Variants in LIX1 observed in about 807,000 individuals in gnomAD.
The protein encoded by LIX1 is protein limb expression 1 homolog.
LIX1 carries 24 observed loss-of-function variants against 33.4 expected under a neutral mutation model. The ratio of observed to expected loss-of-function variants is 0.72; its 90% CI spans 0.52 to 1.01. The LOEUF is 1.01. Among genes scored for constraint, LIX1 ranks in the 50% least tolerant of loss-of-function variants. The pLI, the probability that LIX1 is intolerant of heterozygous loss-of-function variation, is 0.00. For synonymous variants in LIX1, 124 were observed against 124.0 expected (o/e 1.00, Z 0.00); for missense variants, 311 against 339.2 (o/e 0.92, Z 0.65).
chr5:97,098,510 ACT>A (rs749280809), intron 4 of LIX1, among the ~76,000 whole-genome samples: 55 of 152,312 alleles, frequency 3.6e-4, no homozygotes, highest in Middle Eastern at 3.4e-3. Flanking sequence ...TTGAAAAATA[ACT>A]CTATATGATC....
At chr5:97,123,930 T>C (rs1326894354) in intron 2 of LIX1, among the ~76,000 whole-genome samples, 1 of 152,198 alleles carries the variant, frequency 6.6e-6, no homozygotes, top group East Asian at 1.9e-4. Context: ...AGAGGCAGCA[T>C]AGGTTTGTAG....
chr5:97,106,866 G>A (rs911830448), intron 3 of LIX1, among the ~76,000 whole-genome samples: 2 of 152,132 alleles, frequency 1.3e-5, no homozygotes, highest in South Asian at 2.1e-4. Context: ...TTGGGCATAC[G>A]GTTTTTCACA....
chr5:97,121,937 T>G (rs1747794149), intron 2 of LIX1, among the ~76,000 whole-genome samples: 1 of 152,136 alleles, frequency 6.6e-6, no homozygotes, highest in African/African-American at 2.4e-5. Flanking sequence ...ACAGGCAGAC[T>G]TCACCTTAGG....
chr5:97,103,228 C>T (rs1004498007), intron 4 of LIX1: 9 of 344,670 alleles, frequency 2.6e-5, no homozygotes, highest in Admixed American at 8.4e-5. Flanking sequence ...TTTTATCCTA[C>T]AATAGGGGCT....
intron 1 of LIX1, among the ~76,000 whole-genome samples, chr5:97,130,750 T>G (rs976699642): frequency 2.6e-5 from 4 of 152,218 alleles, no homozygotes; most frequent in Non-Finnish European, 4.4e-5. Context: ...TGAAATCCAG[T>G]TCCTTTTTGT....
chr5:97,117,957 A>G (rs748159491), intron 2 of LIX1, among the ~76,000 whole-genome samples: 93 of 151,934 alleles, frequency 6.1e-4, no homozygotes, highest in Non-Finnish European at 1.0e-3. Context: ...CAGTTTGCCT[A>G]TGGAAGAATT....
At position 97,142,478 on chromosome 5, in the gene LIX1, C is replaced by T. The variant is rs759843225; in HGVS notation, c.82+17G>A. On this transcript the variant is annotated intron_variant, in intron 1 of 5. Coordinates refer to ENST00000274382, the MANE Select transcript of LIX1 (RefSeq NM_153234.5). ...TTTTCTAAAAAGTCAAAAAACTTTT[C>T]CCCCTTCAGTACTTACAGTCTTTGA... 6.3e-7 allele frequency: 1 copy of T among 1,596,956 alleles called. No individual in the cohort carries two copies. Among genetic ancestry groups the T allele is most frequent in the African/African-American group, 1.3e-5 (1 of 74,664 alleles).
At chr5:97,106,807 T>C (rs1422138576) in intron 3 of LIX1, among the ~76,000 whole-genome samples, 1 of 152,274 alleles carries the variant, frequency 6.6e-6, no homozygotes. Flanking sequence ...CAATGCTCTC[T>C]GAAGAGGTAA....
intron 5 of LIX1, among the ~76,000 whole-genome samples, chr5:97,095,333 T>C (rs1216124188): frequency 2.0e-5 from 3 of 152,202 alleles, no homozygotes; most frequent in African/African-American, 7.2e-5. Context: ...TCACTGAAAA[T>C]ACATTCCTAC....
At chr5:97,129,121 T>TATGCTTCTC (rs1477924898) in intron 1 of LIX1, among the ~76,000 whole-genome samples, 12 of 152,200 alleles carry the variant, frequency 7.9e-5, no homozygotes. Context: ...CTATGCTTCT[T>TATGCTTCTC]ATGCTTCTCA....
intron 5 of LIX1, among the ~76,000 whole-genome samples, chr5:97,095,861 A>G (rs939173822): frequency 6.6e-6 from 1 of 152,218 alleles, no homozygotes; most frequent in Admixed American, 6.5e-5. Context: ...AAAAGTGTTT[A>G]TAACCCAACC....
intron 1 of LIX1, 28 bp from the exon 2 acceptor site, chr5:97,124,657 T>C: frequency 6.3e-7 from 1 of 1,592,562 alleles, no homozygotes; most frequent in Non-Finnish European, 8.6e-7. Flanking sequence ...CACCATCAGT[T>C]ATTAAGGATG....
chr5:97,108,649 TC>T (rs1172204801), intron 2 of LIX1, among the ~76,000 whole-genome samples: 3 of 152,072 alleles, frequency 2.0e-5, no homozygotes, highest in African/African-American at 7.2e-5. Context: ...GTGTCTAGGA[TC>T]TTGGACTCCT....
rs1746114555 is a variant in LIX1, at chr5:97,092,320, C to T, written c.*2428G>A. ...CAAAAAAGGCTAGGACCCAGAGCTT[C>T]ATGTGTTTAAATAGGGAATCTTCCA... On this transcript the variant is annotated 3_prime_UTR_variant, in exon 6 of 6. Coordinates refer to ENST00000274382, the MANE Select transcript of LIX1 (RefSeq NM_153234.5). 6.6e-6 allele frequency: 1 copy of T among 152,242 alleles called. No homozygotes were observed. The highest frequency in any genetic ancestry group is 2.1e-4 in the South Asian group (1 of 4,826). 9.4% of individuals were successfully genotyped at this position (152,242 alleles called of 1,614,324 possible).
chr5:97,127,507 A>G (rs1013214684), intron 1 of LIX1, among the ~76,000 whole-genome samples: 2 of 152,136 alleles, frequency 1.3e-5, no homozygotes, highest in African/African-American at 4.8e-5. Flanking sequence ...ATCTCTATCT[A>G]TTCTTGTCGA....
chr5:97,114,746 C>G (rs31013), intron 2 of LIX1, among the ~76,000 whole-genome samples: 152,052 of 152,326 alleles, frequency 1, 75,889 homozygotes, highest in Middle Eastern at 1. Context: ...GTCTCATTTC[C>G]AACAGGCAGG....
intron 1 of LIX1, among the ~76,000 whole-genome samples, chr5:97,125,848 T>C (rs1345579358): frequency 1.3e-5 from 2 of 152,218 alleles, no homozygotes; most frequent in African/African-American, 4.8e-5. Flanking sequence ...TTGAAAATGT[T>C]GAAAGTTTCC....
At position 97,111,801 on chromosome 5, in the gene LIX1, C is replaced by T. The variant is rs139559564; in HGVS notation, c.247-4301G>A. Among the ~76,000 whole-genome samples, 367 of 152,222 alleles carry T rather than the reference C, an allele frequency of 2.4e-3. 1 individual carries two copies. The highest frequency in any genetic ancestry group is 6.8e-3 in the Middle Eastern group (2 of 294). ...TCAAAAGCACCACATACGTTTACAA[C>T]CAAATGGCACTGCTCGGGAGATCAA... On this transcript the variant is annotated intron_variant, in intron 2 of 5. Transcript: ENST00000274382.
At chr5:97,103,619 C>T (rs983889998) in intron 4 of LIX1, among the ~76,000 whole-genome samples, 3 of 152,156 alleles carry the variant, frequency 2.0e-5, no homozygotes, top group African/African-American at 7.2e-5. Flanking sequence ...TGCTTCCTAA[C>T]CAAGACAGGC....
Sources: gnomAD v4.1 joint callset for allele counts (sites outside exome capture counted in the v4.1 genomes callset) on GRCh38, gnomAD v4.1.1 for gene constraint, MANE v1.5 for transcripts, NCBI Gene and HGNC (gene_info 2026-07-23, HGNC 2026-07-21) for gene names.